Variants in TACR1 observed in about 807,000 individuals in gnomAD.
TACR1 encodes the protein substance-P receptor.
A neutral mutation model predicts 35.8 loss-of-function variants in TACR1; 25 were observed. That is an observed-to-expected ratio of 0.70 (90% CI 0.51 to 0.98). The LOEUF is 0.98. Ranked by LOEUF, TACR1 falls within the 50% of genes least tolerant of loss-of-function variation. The pLI, the probability that TACR1 is intolerant of heterozygous loss-of-function variation, is 0.00. For missense variants in TACR1, 478 were observed against 522.9 expected, an observed-to-expected ratio of 0.91 and a Z score of 0.84; for synonymous variants, 195 against 206.7, an observed-to-expected ratio of 0.94 and a Z score of 0.48.
chr2:75,094,859 A>ATATATATATTTTTT, intron 2 of TACR1, among the ~76,000 whole-genome samples: 20 of 113,102 alleles, frequency 1.8e-4, no homozygotes, highest in African/African-American at 9.6e-4. Context: ...ATATATATAT[A>ATATATATATTTTTT]TTTTTTTTTT....
chr2:75,132,406 G>A (rs1013923571), intron 1 of TACR1, among the ~76,000 whole-genome samples: 1 of 152,010 alleles, frequency 6.6e-6, no homozygotes, highest in African/African-American at 2.4e-5. Flanking sequence ...CGTCCACTGA[G>A]TTTTATATTT....
chr2:75,088,166 C>T (rs1371219298), intron 2 of TACR1, among the ~76,000 whole-genome samples: 4 of 152,158 alleles, frequency 2.6e-5, no homozygotes, highest in Admixed American at 2.0e-4. Context: ...TGACCTGCTC[C>T]TGCTCCTTCT....
chr2:75,134,688 T>G (rs1274378204), intron 1 of TACR1, among the ~76,000 whole-genome samples: 3 of 152,220 alleles, frequency 2.0e-5, no homozygotes, highest in Non-Finnish European at 4.4e-5. Context: ...GAATGGCTAT[T>G]TATAATCTGT....
chr2:75,097,569 T>G (rs1196631788), intron 2 of TACR1, among the ~76,000 whole-genome samples: 1 of 152,072 alleles, frequency 6.6e-6, no homozygotes, highest in Admixed American at 6.6e-5. Flanking sequence ...CAGTGACAGA[T>G]CATCACAGAA....
chr2:75,057,920 A>G (rs1453407330), intron 2 of TACR1, among the ~76,000 whole-genome samples: 1 of 152,224 alleles, frequency 6.6e-6, no homozygotes, highest in Non-Finnish European at 1.5e-5. Flanking sequence ...AAATTTAGTA[A>G]TAAATTATGT....
chr2:75,077,981 G>C (rs1673012573), intron 2 of TACR1, among the ~76,000 whole-genome samples: 1 of 152,156 alleles, frequency 6.6e-6, no homozygotes, highest in African/African-American at 2.4e-5. Flanking sequence ...ACCTCTTCTG[G>C]AGAATCTGCA....
chr2:75,116,844 A>G (rs1673871893), intron 2 of TACR1, among the ~76,000 whole-genome samples: 2 of 152,206 alleles, frequency 1.3e-5, no homozygotes, highest in African/African-American at 2.4e-5. Context: ...CAGGAGGCGG[A>G]GGTTGCACTG....
At chr2:75,107,910 G>C (rs918814353) in intron 2 of TACR1, among the ~76,000 whole-genome samples, 1 of 151,714 alleles carries the variant, frequency 6.6e-6, no homozygotes, top group Admixed American at 6.6e-5. Context: ...CAAGTATTTT[G>C]GAAAAAATAG....
At chr2:75,181,594 A>G (rs187803460) in intron 1 of TACR1, among the ~76,000 whole-genome samples, 1 of 152,316 alleles carries the variant, frequency 6.6e-6, no homozygotes, top group East Asian at 1.9e-4. Flanking sequence ...TCAAATTCCA[A>G]TAATGCTCAG....
chr2:75,098,881 A>T (rs1324588948), intron 2 of TACR1, among the ~76,000 whole-genome samples: 5 of 150,254 alleles, frequency 3.3e-5, no homozygotes, highest in Non-Finnish European at 3.0e-5. Context: ...TCCTGAGAAT[A>T]TGTGTTCTTT....
chr2:75,056,045 C>A (rs1487996151), intron 2 of TACR1, among the ~76,000 whole-genome samples: 1 of 152,206 alleles, frequency 6.6e-6, no homozygotes, highest in Non-Finnish European at 1.5e-5. Context: ...CAGGAAATTA[C>A]ATTTTAGAAA....
intron 1 of TACR1, among the ~76,000 whole-genome samples, chr2:75,181,803 C>T (rs1675565206): frequency 6.6e-6 from 1 of 152,202 alleles, no homozygotes; most frequent in Non-Finnish European, 1.5e-5. Flanking sequence ...TCCAAGGAGT[C>T]ATGCTTCCTC....
In TACR1 at chr2:75,108,422, ACT is replaced by A. The variant is rs897602190; in HGVS notation, c.584+12150_584+12151del. On this transcript the variant is annotated intron_variant, in intron 2 of 4. Transcript: ENST00000305249. ...ACAGATGCTGATATATTTTTACAAA[ACT>A]CTGTCGTACTAGGAATAGTATAATG... Among the ~76,000 whole-genome samples, 14 of 152,238 alleles carry A rather than the reference ACT, an allele frequency of 9.2e-5. 1 individual carries two copies. Among genetic ancestry groups the A allele is most frequent in the Admixed American group, 6.5e-4 (10 of 15,298 alleles).
chr2:75,088,555 A>G (rs2103847954), intron 2 of TACR1, among the ~76,000 whole-genome samples: 1 of 152,306 alleles, frequency 6.6e-6, no homozygotes, highest in Non-Finnish European at 1.5e-5. Context: ...CTCAATAAAT[A>G]TTCACTGAAT....
chr2:75,187,919 C>G (rs144851129), intron 1 of TACR1: 275 of 152,346 alleles, frequency 1.8e-3, no homozygotes, highest in African/African-American at 6.5e-3. Context: ...GGTAATCTAG[C>G]TGAATCTTTA....
intron 1 of TACR1, among the ~76,000 whole-genome samples, chr2:75,135,058 T>C (rs931679641): frequency 6.6e-6 from 1 of 152,168 alleles, no homozygotes; most frequent in Non-Finnish European, 1.5e-5. Flanking sequence ...CAGATCTGTG[T>C]TTACAGACCA....
chr2:75,152,702 T>G (rs1247221181), intron 1 of TACR1, among the ~76,000 whole-genome samples: 1 of 152,226 alleles, frequency 6.6e-6, no homozygotes, highest in Non-Finnish European at 1.5e-5. Context: ...TAATGCTTAA[T>G]AAATGATTGA....
chr2:75,053,335 C>G (rs1013693899), intron 3 of TACR1, among the ~76,000 whole-genome samples: 1 of 151,776 alleles, frequency 6.6e-6, no homozygotes, highest in Admixed American at 6.6e-5. Flanking sequence ...CTTCACTGAT[C>G]TTTTATTTAA....
chr2:75,106,373 A>G (rs1673645162), intron 2 of TACR1, among the ~76,000 whole-genome samples: 2 of 152,076 alleles, frequency 1.3e-5, no homozygotes, highest in South Asian at 4.1e-4. Flanking sequence ...ATCAGAAATC[A>G]TGGAACCTCT....
Sources: allele counts gnomAD v4.1 joint callset (sites outside exome capture counted in the v4.1 genomes callset), GRCh38; gene constraint gnomAD v4.1.1; transcripts MANE v1.5; gene names NCBI Gene and HGNC (gene_info 2026-07-23, HGNC 2026-07-21).